Variants in SMARCA2 observed in about 807,000 individuals in gnomAD.
SMARCA2 encodes SWI/SNF related BAF chromatin remodeling complex subunit ATPase 2.
SMARCA2 carries 61 observed loss-of-function variants against 199.8 expected under a neutral mutation model. The ratio of observed to expected loss-of-function variants is 0.31; its 90% CI spans 0.25 to 0.38. The LOEUF (loss-of-function observed/expected upper bound fraction) is 0.38. Among genes scored for constraint, SMARCA2 ranks in the 10% least tolerant of loss-of-function variants. The pLI is 1.00. For synonymous variants in SMARCA2, 935 were observed against 732.0 expected (o/e 1.28, Z -4.48); for missense variants, 1,344 against 2,012.2 (o/e 0.67, Z 6.35).
intron 27 of SMARCA2, among the ~76,000 whole-genome samples, chr9:2,127,946 A>G (rs1823767727): frequency 6.7e-6 from 1 of 148,578 alleles, no homozygotes. Flanking sequence ...GGAGGATCAC[A>G]ATTTCAAACA....
Position 2,193,156 on chromosome 9 carries a change from A to T in SMARCA2, c.*417A>T, listed in dbSNP as rs1828009964. On this transcript the variant is annotated 3_prime_UTR_variant, in exon 34 of 34. Transcript: ENST00000349721. Reference sequence around the variant, plus strand: ...AAAGCCACTGGTTATTTTATTTTTCATCAGGCAATTTTCGAGGTTTTTATT... The same window carrying T: ...AAAGCCACTGGTTATTTTATTTTTCTTCAGGCAATTTTCGAGGTTTTTATT... 6.2e-6 allele frequency: 1 copy of T among 161,800 alleles called. No individual in the cohort carries two copies. The highest frequency in any genetic ancestry group is 2.4e-5 in the African/African-American group (1 of 41,724). The allele number at this position is 161,800 out of a possible 1,614,324, so 10.0% of individuals were successfully genotyped here.
chr9:2,088,534 T>C lies in SMARCA2; in HGVS notation c.2804T>C (p.Ile935Thr). ...DLNEEETILIIRRLHKVLRPF... is the reference protein window; with the variant it reads ...DLNEEETILITRRLHKVLRPF... ...AATGAAGAAGAAACTATATTGATCA[T>C]CAGGCGTCTACATAAGGTGTTAAGA... The change falls in exon 19 of 34, where the codon ATC becomes ACC. Residue 935 changes from isoleucine (I) to threonine (T), a missense_variant. By Grantham distance (89) the Ile-to-Thr change is moderately conservative. Coordinates refer to ENST00000349721, the MANE Select transcript of SMARCA2 (RefSeq NM_003070.5). The C allele has an allele frequency of 6.3e-7, 1 of 1,590,252 alleles. No homozygotes were observed. Among genetic ancestry groups the C allele is most frequent in the Non-Finnish European group, 8.5e-7 (1 of 1,174,558 alleles).
At position 2,138,187 on chromosome 9, in the gene SMARCA2, A is replaced by C. The variant is rs371689212; in HGVS notation, c.3981+14250A>C. 5.6e-3 allele frequency among the ~76,000 whole-genome samples: 843 copies of C among 151,684 alleles called. 4 individuals carry two copies. Among genetic ancestry groups the C allele is most frequent in the African/African-American group, 0.016 (647 of 41,430 alleles). ...CAGCAAAAAACAACAACAACAACAA[A>C]AAAAAAACAGATAAATACATCTAAC... On this transcript the variant is annotated intron_variant, in intron 27 of 33. Transcript: ENST00000349721.
Position 2,060,973 on chromosome 9 carries a change from G to A in SMARCA2, c.1679G>A (p.Arg560Lys), listed in dbSNP as rs778157524. 1.4e-5 allele frequency: 23 copies of A among 1,613,786 alleles called. No homozygotes were observed. In the East Asian group the frequency reaches 3.8e-4, roughly 27 times the overall value. The change falls in exon 9 of 34, where the codon AGG becomes AAG. Residue 560 changes from arginine (R) to lysine (K), a missense_variant. Arg to Lys is a conservative substitution (Grantham distance 26, BLOSUM62 2). Coordinates refer to ENST00000349721, the MANE Select transcript of SMARCA2 (RefSeq NM_003070.5). The part of the protein sequence containing the change: ...AQAAKEKKKR[R>K]RRKKKAEENA... Reference sequence around the variant, plus strand: ...GCAGCCAAAGAGAAGAAGAAGAGGAGGAGGAGGAAGAAGGTGCGTATCCTA... The same window carrying A: ...GCAGCCAAAGAGAAGAAGAAGAGGAAGAGGAGGAAGAAGGTGCGTATCCTA...
chr9:2,149,671 A>G (rs1416301655), intron 27 of SMARCA2, among the ~76,000 whole-genome samples: 3 of 151,640 alleles, frequency 2.0e-5, no homozygotes, highest in African/African-American at 7.3e-5. Flanking sequence ...TTATGGGAGT[A>G]CAATTCAAGA....
rs3057851 is a variant in SMARCA2, at chr9:2,084,370, CTGTG to C, written c.2526+218_2526+221del. On this transcript the variant is annotated intron_variant, in intron 17 of 33. Coordinates refer to ENST00000349721, the MANE Select transcript of SMARCA2 (RefSeq NM_003070.5). ...GGTCGTGGATTTGATTTCATGCATG[CTGTG>C]TGTGTGTGTGTGTGTGTGTGTGTGT... is the stretch of plus-strand genomic sequence containing the variant. Among the ~76,000 whole-genome samples, 7,682 of 132,238 alleles carry C rather than the reference CTGTG, an allele frequency of 0.058. 276 individuals carry two copies. The highest frequency in any genetic ancestry group is 0.11 in the African/African-American group (3,784 of 34,366). 86.8% of individuals were successfully genotyped at this position (132,238 alleles called of 152,430 possible).
At chr9:2,168,922 T>C (rs1826081266) in intron 28 of SMARCA2, among the ~76,000 whole-genome samples, 2 of 152,164 alleles carry the variant, frequency 1.3e-5, no homozygotes, top group Admixed American at 1.3e-4. Flanking sequence ...TCTGAGTTAG[T>C]TACAATCTAC....
At position 2,033,794 on chromosome 9, in the gene SMARCA2, G is replaced by A. The variant is rs1031848379; in HGVS notation, c.355+713G>A. Among the ~76,000 whole-genome samples the A allele has an allele frequency of 3.3e-5, 5 of 152,312 alleles. 1 individual carries two copies. In the East Asian group the frequency reaches 9.6e-4, roughly 29 times the overall value. Reference sequence around the variant, plus strand: ...AGCAATCCTTGGCATTCCTGGACTTGCAGATGCATCACTGCAATCTCTGCC... The same window carrying A: ...AGCAATCCTTGGCATTCCTGGACTTACAGATGCATCACTGCAATCTCTGCC... On this transcript the variant is annotated intron_variant, in intron 3 of 33. Coordinates refer to ENST00000349721, the MANE Select transcript of SMARCA2 (RefSeq NM_003070.5).
intron 2 of SMARCA2, among the ~76,000 whole-genome samples, chr9:2,031,044 G>T (rs966719356): frequency 2.6e-5 from 4 of 152,028 alleles, no homozygotes; most frequent in Non-Finnish European, 4.4e-5. Flanking sequence ...TTTTCTGTAT[G>T]TTCATTACAA....
intron 27 of SMARCA2, among the ~76,000 whole-genome samples, chr9:2,143,772 T>C (rs922925992): frequency 6.6e-6 from 1 of 152,164 alleles, no homozygotes. Context: ...AGTGATAAAC[T>C]TGATTTGTGA....
chr9:2,152,996 G>A (rs1286164211), intron 27 of SMARCA2, among the ~76,000 whole-genome samples: 1 of 152,106 alleles, frequency 6.6e-6, no homozygotes, highest in Non-Finnish European at 1.5e-5. Flanking sequence ...ACATAAATGA[G>A]GGATGTGGCT....
At chr9:2,081,270 G>T (rs1307052145) in intron 14 of SMARCA2, among the ~76,000 whole-genome samples, 11 of 152,170 alleles carry the variant, frequency 7.2e-5, no homozygotes, top group East Asian at 5.8e-4. Context: ...CCAGCTTCCA[G>T]TGTGCAGCCT....
rs1313151734 is a variant in SMARCA2 at position 2,181,577 on chromosome 9, G to A, written c.4260G>A (p.Gly1420=). The A allele has an allele frequency of 1.3e-6, 2 of 1,570,366 alleles. No homozygotes were observed. Among genetic ancestry groups the A allele is most frequent in the Non-Finnish European group, 1.8e-6 (2 of 1,140,284 alleles). Residue 1420 remains glycine (G), a synonymous_variant, in exon 30 of 34, where the codon GGG becomes GGA. Coordinates refer to ENST00000349721, the MANE Select transcript of SMARCA2 (RefSeq NM_003070.5). ...TGTTTCACCCATCCTACAGTTCAGG[G>A]CGACAGCTCAGTGAAGTCTTCATTC... The part of the protein sequence containing the change: ...SQLEIEGNSS[G]RQLSEVFIQL...
chr9:2,114,064 T>C (rs1255045013), intron 24 of SMARCA2, among the ~76,000 whole-genome samples: 1 of 152,200 alleles, frequency 6.6e-6, no homozygotes, highest in African/African-American at 2.4e-5. Flanking sequence ...TTCCAGGAGA[T>C]AGTGAAAAGC....
chr9:2,123,709 A>T lies in SMARCA2; in HGVS notation c.3763-10A>T. ...CTGACTTTCGGTGACCCTCTTATTA[A>T]TGTCTCCAGCGGATGGACATGGACC... On this transcript the variant is annotated splice_polypyrimidine_tract_variant and intron_variant, in intron 26 of 33. Transcript: ENST00000349721. The surrounding 1 kb of genome is among the most constrained non-coding windows in gnomAD (Gnocchi z 4.1). 7 of 1,613,214 alleles carry T rather than the reference A, an allele frequency of 4.3e-6. No homozygotes were observed. The highest frequency in any genetic ancestry group is 5.9e-6 in the Non-Finnish European group (7 of 1,179,298).
Position 2,058,274 on chromosome 9 carries a change from CT to C in SMARCA2, c.1348-12del. On this transcript the variant is annotated splice_polypyrimidine_tract_variant and intron_variant, in intron 7 of 33. Transcript: ENST00000349721. ...TGGATTTTAAGTATCCTTTTCTTCC[CT>C]TTTTGGATCTTCTAGGAATACCTGA... 6.2e-7 allele frequency: 1 copy of C among 1,611,056 alleles called. No homozygotes were observed. The highest frequency in any genetic ancestry group is 1.1e-5 in the South Asian group (1 of 90,972).
At chr9:2,158,932 T>TAAC in intron 27 of SMARCA2, 1 of 1,611,606 alleles carries the variant, frequency 6.2e-7, no homozygotes, top group Non-Finnish European at 8.5e-7. Flanking sequence ...AGATGTTTTG[T>TAAC]AGCTCTCTGC....
chr9:2,128,816 C>A lies in SMARCA2; in HGVS notation c.3981+4879C>A, dbSNP rs145860171. Among the ~76,000 whole-genome samples, 83 of 152,266 alleles carry A rather than the reference C, an allele frequency of 5.5e-4. No individual in the cohort carries two copies. In the East Asian group the frequency reaches 0.013, roughly 24 times the overall value. On this transcript the variant is annotated intron_variant, in intron 27 of 33. Transcript: ENST00000349721. ...ATCTTCCTTTCCACTCAGTCTCTGC[C>A]TCCAAACACCCCAGGCTTGGATTCT...
chr9:2,066,669 T>C (rs186430159), intron 9 of SMARCA2, among the ~76,000 whole-genome samples: 2 of 152,344 alleles, frequency 1.3e-5, no homozygotes, highest in East Asian at 3.9e-4. Flanking sequence ...ACAAAGTTTC[T>C]TGTTCAGTGT....
Sources: allele counts gnomAD v4.1 joint callset (sites outside exome capture counted in the v4.1 genomes callset), GRCh38; gene constraint gnomAD v4.1.1; non-coding constraint Gnocchi (gnomAD v3.1); transcripts MANE v1.5; gene names NCBI Gene and HGNC (gene_info 2026-07-23, HGNC 2026-07-21).